The following ENPP4 variants were observed in gnomAD, a reference collection of about 807,000 sequenced individuals.
The protein encoded by ENPP4 is ectonucleotide pyrophosphatase/phosphodiesterase 4, also known as bis(5'-adenosyl)-triphosphatase ENPP4.
ENPP4 carries 18 observed loss-of-function variants against 33.4 expected under a neutral mutation model. The ratio of observed to expected loss-of-function variants is 0.54; its 90% CI spans 0.37 to 0.80. The LOEUF (loss-of-function observed/expected upper bound fraction) is 0.80. Among genes scored for constraint, ENPP4 ranks in the 30% least tolerant of loss-of-function variants. The pLI is 0.00. For synonymous variants in ENPP4, 172 were observed against 189.9 expected, an observed-to-expected ratio of 0.91 and a Z score of 0.78; for missense variants, 480 against 541.7, an observed-to-expected ratio of 0.89 and a Z score of 1.13.
rs1342278770 is a variant in ENPP4, at chr6:46,130,135, C to T, written c.-88C>T. Reference sequence around the variant, plus strand: ...CTTCCCCGCAACTTCCCACGAGTGCCAGGTGCCGCGAGCGCCGAGTTCCGC... The same window carrying T: ...CTTCCCCGCAACTTCCCACGAGTGCTAGGTGCCGCGAGCGCCGAGTTCCGC... On this transcript the variant is annotated 5_prime_UTR_variant, in exon 1 of 4. Transcript: ENST00000321037. The T allele has an allele frequency of 1.3e-5, 2 of 152,270 alleles. No individual in the cohort carries two copies. Among genetic ancestry groups the T allele is most frequent in the East Asian group, 1.9e-4 (1 of 5,180 alleles). 9.4% of individuals were successfully genotyped at this position (152,270 alleles called of 1,614,324 possible). A position where few individuals can be genotyped will look rare whatever the true frequency, so the allele number is the denominator to read the frequency against.
intron 1 of ENPP4, among the ~76,000 whole-genome samples, chr6:46,131,052 G>C (rs1314507239): frequency 1.3e-5 from 2 of 152,112 alleles, no homozygotes; most frequent in Non-Finnish European, 2.9e-5. Flanking sequence ...AAATTAAGAG[G>C]CCTGCTGCAC....
At chr6:46,136,766 AG>A (rs1393576618) in intron 1 of ENPP4, among the ~76,000 whole-genome samples, 1 of 151,956 alleles carries the variant, frequency 6.6e-6, no homozygotes, top group Non-Finnish European at 1.5e-5. Flanking sequence ...TGGTTGAGGT[AG>A]AAAGGTGAAT....
In ENPP4 at chr6:46,140,305, C is replaced by A. The variant is rs1764038511; in HGVS notation, c.722C>A (p.Thr241Asn). Residue 241 changes from threonine (T) to asparagine (N), a missense_variant, in exon 2 of 4, where the codon ACC (threonine) becomes AAC (asparagine). Coordinates refer to ENST00000321037, the MANE Select transcript of ENPP4 (RefSeq NM_014936.5). ...NVIITSDHGM[T>N]QCSQDRLINL... ...ATCATTACAAGTGATCATGGGATGA[C>A]CCAGTGTTCTCAGGACAGACTGATA... 6.2e-7 allele frequency: 1 copy of A among 1,612,162 alleles called. No individual in the cohort carries two copies. Among genetic ancestry groups the A allele is most frequent in the Admixed American group, 1.7e-5 (1 of 59,822 alleles).
At chr6:46,142,479 T>C (rs1581957355) in intron 3 of ENPP4, among the ~76,000 whole-genome samples, 1 of 69,350 alleles carries the variant, frequency 1.4e-5, no homozygotes, top group African/African-American at 6.2e-5. Flanking sequence ...AATATATATT[T>C]TTTTCTAATA....
In ENPP4 at chr6:46,143,505, G is replaced by A. The variant is rs376951013; in HGVS notation, c.1227G>A (p.Ala409=). 1.4e-5 allele frequency: 23 copies of A among 1,612,842 alleles called. No individual in the cohort carries two copies. Among genetic ancestry groups the A allele is most frequent in the Middle Eastern group, 1.7e-4 (1 of 6,058 alleles). Reference sequence around the variant, plus strand: ...GCATTAATCTCCCAGAAGCCATCGCGATTGTTATCGGTTCACTCTTGGTGT... The same window carrying A: ...GCATTAATCTCCCAGAAGCCATCGCAATTGTTATCGGTTCACTCTTGGTGT... ...QWCINLPEAI[A]IVIGSLLVLT... Residue 409 remains alanine (A), a synonymous_variant, in exon 4 of 4, where the codon GCG becomes GCA. Coordinates refer to ENST00000321037, the MANE Select transcript of ENPP4 (RefSeq NM_014936.5).
intron 1 of ENPP4, among the ~76,000 whole-genome samples, chr6:46,134,329 A>G (rs1393506925): frequency 2.0e-5 from 3 of 152,126 alleles, no homozygotes; most frequent in African/African-American, 4.8e-5. Context: ...ACTTCAGTCT[A>G]TAGTCTTTCC....
At position 46,144,734 on chromosome 6, in the gene ENPP4, G is replaced by A. The variant is rs922833736; in HGVS notation, c.*1094G>A. On this transcript the variant is annotated 3_prime_UTR_variant, in exon 4 of 4. Transcript: ENST00000321037. The stretch of plus-strand genomic sequence containing the variant: ...TGGAGATTTTTGTATTTATCTTTGG[G>A]ACTTTATGCCTTACTTTTTAGGCTA... The A allele has an allele frequency of 2.7e-6, 1 of 374,596 alleles. No individual in the cohort carries two copies. The highest frequency in any genetic ancestry group is 4.7e-6 in the Non-Finnish European group (1 of 210,988). 23.2% of individuals were successfully genotyped at this position (374,596 alleles called of 1,614,324 possible). A position where few individuals can be genotyped will look rare whatever the true frequency, so the allele number is the denominator to read the frequency against.
chr6:46,130,889 T>C lies in ENPP4; in HGVS notation c.-34+700T>C, dbSNP rs1314164365. Among the ~76,000 whole-genome samples the C allele has an allele frequency of 3.3e-5, 5 of 152,320 alleles. No homozygotes were observed. The East Asian group carries it at 7.7e-4, about 24-fold the overall frequency. On this transcript the variant is annotated intron_variant, in intron 1 of 3. Transcript: ENST00000321037. Reference sequence around the variant, plus strand: ...GATTCAGGTTTACACCAGATCTGACTCCAGAAGGGCTTTGCTTAATCAGGC... The same window carrying C: ...GATTCAGGTTTACACCAGATCTGACCCCAGAAGGGCTTTGCTTAATCAGGC...
intron 3 of ENPP4, among the ~76,000 whole-genome samples, chr6:46,141,476 A>T (rs1451570009): frequency 6.6e-6 from 1 of 151,712 alleles, no homozygotes; most frequent in Non-Finnish European, 1.5e-5. Context: ...TACTGTCAGT[A>T]ATTTTCAAGA....
At chr6:46,136,410 T>C (rs543307465) in intron 1 of ENPP4, among the ~76,000 whole-genome samples, 138 of 152,082 alleles carry the variant, frequency 9.1e-4, no homozygotes, top group Non-Finnish European at 1.5e-3. Context: ...GAACTAATTT[T>C]AGGATATTCT....
intron 1 of ENPP4, among the ~76,000 whole-genome samples, chr6:46,130,521 G>A (rs1339390371): frequency 6.6e-6 from 1 of 152,214 alleles, no homozygotes; most frequent in Non-Finnish European, 1.5e-5. Context: ...AAAATTGAGG[G>A]GAGCTGGGGC....
intron 1 of ENPP4, among the ~76,000 whole-genome samples, chr6:46,133,194 G>A (rs1231619186): frequency 6.6e-6 from 1 of 152,182 alleles, no homozygotes; most frequent in African/African-American, 2.4e-5. Context: ...ATAAGTGTAA[G>A]TGTTTTGAAG....
At chr6:46,140,493 TCTAG>T (rs1764043658) in intron 2 of ENPP4, 84 bp downstream of exon 2, 1 of 818,070 alleles carries the variant, frequency 1.2e-6, no homozygotes, top group Non-Finnish European at 1.9e-6. Context: ...AGAATGAAGC[TCTAG>T]CTTTTTGTAG....
At chr6:46,138,651 A>G (rs754172350) in intron 1 of ENPP4, among the ~76,000 whole-genome samples, 1 of 151,808 alleles carries the variant, frequency 6.6e-6, no homozygotes, top group African/African-American at 2.4e-5. Context: ...ACAATGGAAG[A>G]GGCATCCTGT....
intron 1 of ENPP4, among the ~76,000 whole-genome samples, chr6:46,136,635 A>G (rs939167588): frequency 6.6e-6 from 1 of 151,880 alleles, no homozygotes; most frequent in Non-Finnish European, 1.5e-5. Flanking sequence ...AGACTGAGGC[A>G]TTTGGGCTTT....
At chr6:46,140,988 T>A (rs1193823523) in intron 2 of ENPP4, 64 bp from the exon 3 acceptor site, 2 of 997,694 alleles carry the variant, frequency 2.0e-6, no homozygotes, top group East Asian at 4.9e-5. Flanking sequence ...ATTATTCTAG[T>A]TAGACATATT....
chr6:46,143,386 A>G lies in ENPP4; in HGVS notation c.1108A>G (p.Ile370Val). The change falls in exon 4 of 4, where the codon ATT becomes GTT. Residue 370 changes from isoleucine (I) to valine (V), a missense_variant. By Grantham distance (29) the Ile-to-Val change is conservative. Transcript: ENST00000321037. ...GCATAGCACAATTAACATTGTGGAT[A>G]TTTATCCAATGATGTGCCACATCCT... is the stretch of plus-strand genomic sequence containing the variant. ...YKHSTINIVD[I>V]YPMMCHILGL... is the part of the protein sequence containing the mutation. The G allele has an allele frequency of 6.2e-7, 1 of 1,612,688 alleles. No individual in the cohort carries two copies. The highest frequency in any genetic ancestry group is 1.1e-5 in the South Asian group (1 of 91,044).
intron 1 of ENPP4, among the ~76,000 whole-genome samples, chr6:46,131,553 A>G (rs1257861822): frequency 2.6e-5 from 4 of 152,068 alleles, no homozygotes; most frequent in African/African-American, 4.8e-5. Context: ...AATCCAGTCT[A>G]TCATTGTTGG....
In ENPP4 at chr6:46,146,314, G is replaced by GTAACAT. The variant is rs1764138837; in HGVS notation, c.*2678_*2683dup. On this transcript the variant is annotated 3_prime_UTR_variant, in exon 4 of 4. Transcript: ENST00000321037. ...CATAAGAATTTATAGATAAATTCTT[G>GTAACAT]TAACATTAAAGGATTAAAATGTTTT... is the stretch of plus-strand genomic sequence containing the variant. 6.6e-6 allele frequency: 1 copy of GTAACAT among 152,206 alleles called. No individual in the cohort carries two copies. Among genetic ancestry groups the GTAACAT allele is most frequent in the South Asian group, 2.1e-4 (1 of 4,834 alleles). The allele number at this position is 152,206 out of a possible 1,614,324, so 9.4% of individuals were successfully genotyped here.
Sources: allele counts gnomAD v4.1 joint callset (sites outside exome capture counted in the v4.1 genomes callset), GRCh38; gene constraint gnomAD v4.1.1; transcripts MANE v1.5; gene names NCBI Gene and HGNC (gene_info 2026-07-23, HGNC 2026-07-21).